The following NFATC2 variants were observed in gnomAD, a reference collection of about 807,000 sequenced individuals.
NFATC2 encodes nuclear factor of activated T cells 2, also known as nuclear factor of activated T-cells, cytoplasmic 2.
NFATC2 carries 22 observed loss-of-function variants against 87.3 expected under a neutral mutation model. The observed-to-expected ratio is 0.25, with a 90% confidence interval of 0.18 to 0.36. The LOEUF (loss-of-function observed/expected upper bound fraction) is 0.36, where lower values mean the gene tolerates loss of function less well. Ranked by LOEUF, NFATC2 falls within the 10% of genes least tolerant of loss-of-function variation. The pLI, the probability that NFATC2 is intolerant of heterozygous loss-of-function variation, is 1.00. For missense variants in NFATC2, 1,149 were observed against 1,259.1 expected (o/e 0.91, Z 1.32); for synonymous variants, 565 against 542.2 (o/e 1.04, Z -0.58).
At chr20:51,413,003 C>A (rs1373442541) in intron 9 of NFATC2, among the ~76,000 whole-genome samples, 6 of 137,368 alleles carry the variant, frequency 4.4e-5, no homozygotes, top group East Asian at 2.3e-4. Flanking sequence ...GCCGCCCCCC[C>A]CCCTCCCCGC....
intron 1 of NFATC2, among the ~76,000 whole-genome samples, chr20:51,557,133 C>A (rs1183371851): frequency 1.3e-5 from 2 of 152,162 alleles, no homozygotes; most frequent in East Asian, 3.9e-4. Context: ...TTGACCACTC[C>A]CCGTGTTCTC....
intron 3 of NFATC2, among the ~76,000 whole-genome samples, chr20:51,497,219 C>A (rs1271132637): frequency 6.6e-6 from 1 of 152,230 alleles, no homozygotes; most frequent in Non-Finnish European, 1.5e-5. Flanking sequence ...CCAAGGCAAG[C>A]GCAGCAATGT....
chr20:51,493,508 A>G (rs560720838), intron 3 of NFATC2, among the ~76,000 whole-genome samples: 1 of 152,300 alleles, frequency 6.6e-6, no homozygotes, highest in Non-Finnish European at 1.5e-5. Context: ...CCAGACTGAC[A>G]CAGTGAATCT....
At chr20:51,505,565 T>C (rs1011562721) in intron 3 of NFATC2, among the ~76,000 whole-genome samples, 3 of 152,116 alleles carry the variant, frequency 2.0e-5, no homozygotes, top group African/African-American at 4.8e-5. Flanking sequence ...CCTGTGCCAG[T>C]ATTCAGAATA....
intron 6 of NFATC2, among the ~76,000 whole-genome samples, chr20:51,451,187 T>A (rs1337385545): frequency 1.3e-5 from 2 of 152,296 alleles, no homozygotes; most frequent in East Asian, 3.9e-4. Flanking sequence ...CACCCCACTT[T>A]GCAGGACAGC....
chr20:51,457,156 C>T (rs1165093014), intron 5 of NFATC2, among the ~76,000 whole-genome samples: 2 of 152,234 alleles, frequency 1.3e-5, no homozygotes, highest in Non-Finnish European at 2.9e-5. Flanking sequence ...TGATGACTTC[C>T]TAATTGAGCT....
chr20:51,444,759 T>G (rs773228734), intron 6 of NFATC2, among the ~76,000 whole-genome samples: 2 of 152,196 alleles, frequency 1.3e-5, no homozygotes, highest in Admixed American at 1.3e-4. Flanking sequence ...TCTTTATGAC[T>G]GCTAACTAGC....
intron 6 of NFATC2, among the ~76,000 whole-genome samples, chr20:51,451,996 A>G (rs1305691659): frequency 6.6e-6 from 1 of 152,214 alleles, no homozygotes; most frequent in African/African-American, 2.4e-5. Flanking sequence ...TGAAACCATC[A>G]GCCCATCTCC....
rs993967758 is a variant in NFATC2 at position 51,390,539 on chromosome 20, T to C, written c.*957A>G. ...GGAACCTTGCAAAGCATCCAGGTTG[T>C]ACAGCTGCAGCAGACAGGTGCTTGC... On this transcript the variant is annotated 3_prime_UTR_variant, in exon 11 of 11. Coordinates refer to ENST00000371564, the MANE Select transcript of NFATC2 (RefSeq NM_012340.5). 2.6e-5 allele frequency: 4 copies of C among 152,278 alleles called. No homozygotes were observed. The highest frequency in any genetic ancestry group is 7.2e-5 in the African/African-American group (3 of 41,462). The allele number at this position is 152,278 out of a possible 1,614,324, so 9.4% of individuals were successfully genotyped here.
intron 3 of NFATC2, among the ~76,000 whole-genome samples, chr20:51,495,274 C>G (rs62229790): frequency 0.083 from 12,666 of 152,102 alleles, 702 homozygotes; most frequent in African/African-American, 0.16. Context: ...ATTTTGTAGA[C>G]ACGGGATTTC....
At chr20:51,417,138 C>A (rs974988369) in intron 9 of NFATC2, among the ~76,000 whole-genome samples, 3 of 152,166 alleles carry the variant, frequency 2.0e-5, no homozygotes, top group Admixed American at 6.5e-5. Context: ...AGACAAATCC[C>A]TCCCTTTTCT....
At chr20:51,423,867 A>G (rs905944925) in intron 9 of NFATC2, among the ~76,000 whole-genome samples, 1 of 152,202 alleles carries the variant, frequency 6.6e-6, no homozygotes, top group Non-Finnish European at 1.5e-5. Flanking sequence ...CTCCAAATGC[A>G]AGTGCACATT....
chr20:51,449,909 A>G (rs200581314), intron 6 of NFATC2, among the ~76,000 whole-genome samples: 1 of 131,314 alleles, frequency 7.6e-6, no homozygotes, highest in Non-Finnish European at 1.7e-5. Flanking sequence ...TAATTACTCA[A>G]TTACTAATAA....
chr20:51,405,051 G>C (rs567334663), intron 9 of NFATC2, among the ~76,000 whole-genome samples: 1 of 152,310 alleles, frequency 6.6e-6, no homozygotes, highest in East Asian at 1.9e-4. Context: ...TGGGAGGAGA[G>C]CATGTCACTG....
At chr20:51,434,849 T>C (rs1297169687) in intron 8 of NFATC2, among the ~76,000 whole-genome samples, 1 of 152,078 alleles carries the variant, frequency 6.6e-6, no homozygotes, top group East Asian at 1.9e-4. Flanking sequence ...CATGATCAAA[T>C]CCAAGCCAGG....
At chr20:51,433,765 G>A (rs1983140282) in intron 8 of NFATC2, among the ~76,000 whole-genome samples, 2 of 150,408 alleles carry the variant, frequency 1.3e-5, no homozygotes, top group African/African-American at 5.0e-5. Context: ...ATGCATGTGT[G>A]TGTGTGTGTG....
At chr20:51,446,523 T>TTGG (rs1459355664) in intron 6 of NFATC2, among the ~76,000 whole-genome samples, 2 of 152,148 alleles carry the variant, frequency 1.3e-5, no homozygotes, top group Non-Finnish European at 2.9e-5. Flanking sequence ...ACAAAGGCCT[T>TTGG]TGGTACCAGG....
At chr20:51,450,522 T>C (rs985977688) in intron 6 of NFATC2, among the ~76,000 whole-genome samples, 19 of 152,154 alleles carry the variant, frequency 1.2e-4, no homozygotes, top group African/African-American at 4.6e-4. Flanking sequence ...AAAATAACGA[T>C]GAACATCCCA....
chr20:51,556,626 C>A (rs1423044007), intron 1 of NFATC2, among the ~76,000 whole-genome samples: 4 of 152,122 alleles, frequency 2.6e-5, no homozygotes, highest in Non-Finnish European at 4.4e-5. Context: ...CTGGGCTGGG[C>A]CTTCAAGAAA....
Sources: allele counts gnomAD v4.1 joint callset (sites outside exome capture counted in the v4.1 genomes callset), GRCh38; gene constraint gnomAD v4.1.1; transcripts MANE v1.5; gene names NCBI Gene and HGNC (gene_info 2026-07-23, HGNC 2026-07-21).